CCDC60: variants seen among roughly 807,000 people sequenced by gnomAD.
CCDC60 encodes coiled-coil domain containing 60, also known as coiled-coil domain-containing protein 60.
Under a neutral mutation model 63.5 loss-of-function variants are expected in CCDC60, and 54 were observed. The ratio of observed to expected loss-of-function variants is 0.85; its 90% CI spans 0.68 to 1.07. The LOEUF (loss-of-function observed/expected upper bound fraction) is 1.07, where lower values mean the gene tolerates loss of function less well. Ranked by LOEUF, CCDC60 falls within the 50% of genes least tolerant of loss-of-function variation. The pLI is 0.00. For synonymous variants in CCDC60, 206 were observed against 238.8 expected, an observed-to-expected ratio of 0.86 and a Z score of 1.27; for missense variants, 651 against 684.3, an observed-to-expected ratio of 0.95 and a Z score of 0.54.
At chr12:119,493,555 T>C (rs1300811095) in intron 5 of CCDC60, among the ~76,000 whole-genome samples, 1 of 152,114 alleles carries the variant, frequency 6.6e-6, no homozygotes, top group Non-Finnish European at 1.5e-5. Context: ...ACTCCTCAAC[T>C]TCCCAATTTC....
chr12:119,482,121 T>C (rs1951340777), intron 4 of CCDC60, among the ~76,000 whole-genome samples: 1 of 146,668 alleles, frequency 6.8e-6, no homozygotes, highest in African/African-American at 2.5e-5. Context: ...CACATATATA[T>C]ACATATATAT....
chr12:119,414,525 T>C (rs1419579360), intron 1 of CCDC60, among the ~76,000 whole-genome samples: 2 of 152,054 alleles, frequency 1.3e-5, no homozygotes, highest in Non-Finnish European at 2.9e-5. Flanking sequence ...AAGTTTTTTG[T>C]CTTGTTTTGG....
chr12:119,385,441 A>T (rs1434722470), intron 1 of CCDC60, among the ~76,000 whole-genome samples: 1 of 152,162 alleles, frequency 6.6e-6, no homozygotes, highest in Non-Finnish European at 1.5e-5. Context: ...TGTTATTGTG[A>T]TAGTGAATAA....
At chr12:119,341,075 T>C (rs962379207) in intron 1 of CCDC60, among the ~76,000 whole-genome samples, 2 of 152,206 alleles carry the variant, frequency 1.3e-5, no homozygotes, top group Non-Finnish European at 2.9e-5. Flanking sequence ...GAATTCATGT[T>C]TTTTGTTTAG....
chr12:119,376,751 C>T (rs1237352826), intron 1 of CCDC60, among the ~76,000 whole-genome samples: 3 of 152,174 alleles, frequency 2.0e-5, no homozygotes, highest in Admixed American at 6.5e-5. Context: ...ATCCTTTAAA[C>T]AGTGTGCCCC....
chr12:119,366,941 T>A (rs1462702733), intron 1 of CCDC60, among the ~76,000 whole-genome samples: 2 of 152,158 alleles, frequency 1.3e-5, no homozygotes, highest in Admixed American at 6.5e-5. Flanking sequence ...CAAGCGATTC[T>A]CCTGCCTCAC....
chr12:119,361,646 A>G (rs1955792241), intron 1 of CCDC60, among the ~76,000 whole-genome samples: 1 of 152,202 alleles, frequency 6.6e-6, no homozygotes, highest in African/African-American at 2.4e-5. Context: ...GAGGATGGAG[A>G]AGGGATAAGT....
intron 5 of CCDC60, among the ~76,000 whole-genome samples, chr12:119,489,327 T>A (rs1264011963): frequency 6.6e-6 from 1 of 152,220 alleles, no homozygotes; most frequent in Non-Finnish European, 1.5e-5. Context: ...ATCCTTTCTT[T>A]CAAGGTTGTG....
At chr12:119,353,773 G>T (rs953299888) in intron 1 of CCDC60, among the ~76,000 whole-genome samples, 12 of 151,702 alleles carry the variant, frequency 7.9e-5, no homozygotes, top group Admixed American at 3.9e-4. Context: ...ACACCCAGAG[G>T]GTGAGAAAAA....
intron 7 of CCDC60, among the ~76,000 whole-genome samples, chr12:119,505,899 T>G (rs1003410305): frequency 3.3e-5 from 5 of 152,230 alleles, no homozygotes; most frequent in Non-Finnish European, 4.4e-5. Flanking sequence ...ATACAGAACA[T>G]TATCATTTCA....
At chr12:119,521,058 A>G (rs1952513555) in intron 9 of CCDC60, among the ~76,000 whole-genome samples, 1 of 152,234 alleles carries the variant, frequency 6.6e-6, no homozygotes, top group African/African-American at 2.4e-5. Flanking sequence ...TATACAGTAT[A>G]AAAGATCACT....
intron 1 of CCDC60, among the ~76,000 whole-genome samples, chr12:119,393,008 A>T (rs1215485262): frequency 1.1e-4 from 17 of 152,164 alleles, no homozygotes; most frequent in Admixed American, 1.1e-3. Context: ...ACAAAAAATT[A>T]AAAATATCAG....
In CCDC60 at chr12:119,455,987, AAGAGAGAG is replaced by A. The variant is rs1460581940; in HGVS notation, c.171-16003_171-15996del. On this transcript the variant is annotated intron_variant, in intron 2 of 13. Transcript: ENST00000327554. Reference sequence around the variant, plus strand: ...GAGGGGAGGGAGGGAGGGAGAGAGAAAGAGAGAGAGAAAGAGAAAGAAAGAAAGAAAGA... The same window carrying A: ...GAGGGGAGGGAGGGAGGGAGAGAGAAAGAAAGAGAAAGAAAGAAAGAAAGA... Among the ~76,000 whole-genome samples the A allele has an allele frequency of 2.6e-3, 176 of 67,226 alleles. 12 individuals carry two copies. Among genetic ancestry groups the A allele is most frequent in the African/African-American group, 0.012 (159 of 13,270 alleles). The allele number at this position is 67,226 out of a possible 152,430, so 44.1% of individuals were successfully genotyped here. A position where few individuals can be genotyped will look rare whatever the true frequency, so the allele number is the denominator to read the frequency against.
chr12:119,460,580 C>T (rs552496731), intron 2 of CCDC60, among the ~76,000 whole-genome samples: 4 of 152,354 alleles, frequency 2.6e-5, no homozygotes, highest in South Asian at 2.1e-4. Flanking sequence ...CTCCAGCCTT[C>T]GCTGAGCTAG....
rs981099240 is a variant in CCDC60 at position 119,440,484 on chromosome 12, C to T, written c.170+11722C>T. On this transcript the variant is annotated intron_variant, in intron 2 of 13. Transcript: ENST00000327554. ...AGTGGAGCTTGCAGTGAGCTGAGAT[C>T]GCGCCACTGCACTCCAGCCTGGGTG... Among the ~76,000 whole-genome samples, 19 of 152,106 alleles carry T rather than the reference C, an allele frequency of 1.2e-4. No homozygotes were observed. In the East Asian group the frequency reaches 3.1e-3, roughly 25 times the overall value.
At position 119,440,082 on chromosome 12, in the gene CCDC60, G is replaced by A. The variant is rs143610731; in HGVS notation, c.170+11320G>A. The stretch of plus-strand genomic sequence containing the variant: ...TGTCGGGGGGTGGGGGGCCGGGGAT[G>A]GAGAGCATTAGGACAAATACCTAAC... On this transcript the variant is annotated intron_variant, in intron 2 of 13. Transcript: ENST00000327554. Among the ~76,000 whole-genome samples, 808 of 152,188 alleles carry A rather than the reference G, an allele frequency of 5.3e-3. 29 individuals carry two copies. The highest frequency in any genetic ancestry group is 0.046 in the Admixed American group (709 of 15,288).
intron 1 of CCDC60, among the ~76,000 whole-genome samples, chr12:119,383,320 T>C (rs188462554): frequency 1.5e-4 from 23 of 152,304 alleles, no homozygotes; most frequent in Admixed American, 1.4e-3. Context: ...TCTAGAGAAG[T>C]CTTCTCGCCC....
intron 7 of CCDC60, among the ~76,000 whole-genome samples, chr12:119,510,056 T>C (rs1216877141): frequency 6.6e-6 from 1 of 152,236 alleles, no homozygotes; most frequent in Non-Finnish European, 1.5e-5. Context: ...ATCTCTTCAC[T>C]TCTCACCTAG....
chr12:119,482,583 G>A (rs888549061), intron 4 of CCDC60, among the ~76,000 whole-genome samples: 20 of 152,192 alleles, frequency 1.3e-4, no homozygotes, highest in African/African-American at 4.6e-4. Flanking sequence ...TGTAGTCCCT[G>A]TCCAGCACTG....
Sources: allele counts gnomAD v4.1 joint callset (sites outside exome capture counted in the v4.1 genomes callset), GRCh38; gene constraint gnomAD v4.1.1; transcripts MANE v1.5; gene names NCBI Gene and HGNC (gene_info 2026-07-23, HGNC 2026-07-21).